EMG1: variants seen among roughly 807,000 people sequenced by gnomAD.
EMG1 encodes the protein EMG1 N1-specific pseudouridine methyltransferase.
EMG1 carries 24 observed loss-of-function variants against 26.9 expected under a neutral mutation model. The ratio of observed to expected loss-of-function variants is 0.89; its 90% CI spans 0.65 to 1.26. The LOEUF is 1.26. Among genes scored for constraint, EMG1 ranks in the 50% most tolerant of loss-of-function variants. EMG1 has a pLI of 0.00. For missense variants in EMG1, 299 were observed against 307.6 expected, an observed-to-expected ratio of 0.97 and a Z score of 0.21; for synonymous variants, 140 against 112.6, an observed-to-expected ratio of 1.24 and a Z score of -1.54.
At chr12:6,975,062 G>C (rs150632222) in intron 3 of EMG1, 28 bp from the exon 4 acceptor site, 4 of 1,611,986 alleles carry the variant, frequency 2.5e-6, no homozygotes, top group South Asian at 1.1e-5. Context: ...TCTCCATCTA[G>C]CTCTGAACTC....
chr12:6,974,459 C>T lies in EMG1; in HGVS notation c.270+19C>T, dbSNP rs782523942. The stretch of plus-strand genomic sequence containing the variant: ...CCACCAGGTAACTCCAGGGACAGTG[C>T]TCACAACCCTTTGAGCCTCTGTATG... On this transcript the variant is annotated intron_variant, in intron 2 of 5. Transcript: ENST00000599672. 91 of 1,609,832 alleles carry T rather than the reference C, an allele frequency of 5.7e-5. No individual in the cohort carries two copies. Among genetic ancestry groups the T allele is most frequent in the Non-Finnish European group, 7.0e-5 (82 of 1,176,484 alleles).
chr12:6,993,496 C>T (rs1555155748), intron 7 of EMG1, among the ~76,000 whole-genome samples: 2 of 152,070 alleles, frequency 1.3e-5, no homozygotes, highest in African/African-American at 2.4e-5. Context: ...AGAATATCTT[C>T]ATCACCTCAA....
chr12:6,995,770 A>AGT (rs1222193255), intron 7 of EMG1, among the ~76,000 whole-genome samples: 1 of 152,058 alleles, frequency 6.6e-6, no homozygotes, highest in East Asian at 1.9e-4. Context: ...CTGACTACTC[A>AGT]ACAGAGTCAG....
chr12:6,988,797 T>G (rs1555155090), downstream of EMG1, among the ~76,000 whole-genome samples: 3 of 152,160 alleles, frequency 2.0e-5, no homozygotes, highest in Non-Finnish European at 4.4e-5. Flanking sequence ...TTACCTTTAT[T>G]AGCACCAGAT....
At chr12:6,972,616 T>C (rs782170871) in intron 1 of EMG1, among the ~76,000 whole-genome samples, 31 of 152,224 alleles carry the variant, frequency 2.0e-4, no homozygotes, top group Non-Finnish European at 4.0e-4. Flanking sequence ...TCCACTTCTT[T>C]AACATCAAAC....
At chr12:6,983,932 G>A (rs1946497619), downstream of EMG1, among the ~76,000 whole-genome samples, 1 of 152,058 alleles carries the variant, frequency 6.6e-6, no homozygotes, top group Non-Finnish European at 1.5e-5. Flanking sequence ...TGCTTGAGCC[G>A]AGGAGTTCGA....
chr12:6,977,835 T>G lies in EMG1; in HGVS notation c.*2026T>G, dbSNP rs375390324. The G allele has an allele frequency of 9.9e-6, 15 of 1,513,644 alleles. No homozygotes were observed. Among genetic ancestry groups the G allele is most frequent in the East Asian group, 9.0e-5 (4 of 44,386 alleles). The allele number at this position is 1,513,644 out of a possible 1,614,324, so 93.8% of individuals were successfully genotyped here. A position where few individuals can be genotyped will look rare whatever the true frequency, so the allele number is the denominator to read the frequency against. ...CTGGGTCCTCACCCTGAGGATTGGA[T>G]TGGAGTGCTGGTGGGTTCCCACGTG... On this transcript the variant is annotated 3_prime_UTR_variant, in exon 6 of 6. Transcript: ENST00000599672. This position sits in a 1 kb window ranked among gnomAD's most constrained non-coding sequence, Gnocchi z 4.5.
In EMG1 at chr12:6,975,325, G is replaced by C. The variant is rs782416705; in HGVS notation, c.568G>C (p.Val190Leu). 13 of 1,608,494 alleles carry C rather than the reference G, an allele frequency of 8.1e-6. No homozygotes were observed. In the African/African-American group the frequency reaches 1.5e-4, roughly 18 times the overall value. ...IPVVSDVREL[V>L]PSSDPIVFVV... ...GGTTGTCAGTGATGTGCGTGAGCTG[G>C]TGCCCAGCAGTGATCCTATTGTTTT... The change falls in exon 5 of 6, where the codon GTG becomes CTG. Residue 190 changes from valine to leucine, a missense_variant. Val to Leu is a conservative substitution (Grantham distance 32). Coordinates refer to ENST00000599672, the MANE Select transcript of EMG1 (RefSeq NM_006331.8).
Position 6,971,274 on chromosome 12 carries a change from C to CTT in EMG1, c.168+199_168+200dup, listed in dbSNP as rs34818013. ...GGGATGGTAGTACTCATTTTTCTTT[C>CTT]TTTTTTTTTTTTTTTTTGAGACGGA... On this transcript the variant is annotated intron_variant, in intron 1 of 5. Coordinates refer to ENST00000599672, the MANE Select transcript of EMG1 (RefSeq NM_006331.8). 7.8e-3 allele frequency among the ~76,000 whole-genome samples: 1,054 copies of CTT among 135,454 alleles called. 20 individuals carry two copies. The highest frequency in any genetic ancestry group is 0.03 in the South Asian group (127 of 4,298). The allele number at this position is 135,454 out of a possible 152,430, so 88.9% of individuals were successfully genotyped here.
At position 6,977,188 on chromosome 12, in the gene EMG1, T is replaced by G; in HGVS notation, c.*1379T>G. 1.2e-6 allele frequency: 2 copies of G among 1,613,764 alleles called. No homozygotes were observed. The highest frequency in any genetic ancestry group is 1.7e-6 in the Non-Finnish European group (2 of 1,179,626). Reference sequence around the variant, plus strand: ...ACTTCTCTTTCCTTGGCACCATTGCTTTGTGAATATAAGGCAATATGAATA... The same window carrying G: ...ACTTCTCTTTCCTTGGCACCATTGCGTTGTGAATATAAGGCAATATGAATA... On this transcript the variant is annotated 3_prime_UTR_variant, in exon 6 of 6. Transcript: ENST00000599672. The surrounding 1 kb of genome is among the most constrained non-coding windows in gnomAD (Gnocchi z 4.5).
At chr12:6,972,735 T>A (rs1206138932) in intron 1 of EMG1, among the ~76,000 whole-genome samples, 1 of 152,232 alleles carries the variant, frequency 6.6e-6, no homozygotes, top group Non-Finnish European at 1.5e-5. Flanking sequence ...GCTTGATACA[T>A]TAGGATTCTG....
chr12:6,990,458 G>A (rs1946577211), downstream of EMG1, among the ~76,000 whole-genome samples: 2 of 140,740 alleles, frequency 1.4e-5, no homozygotes, highest in African/African-American at 5.3e-5. Flanking sequence ...GCAGTGAGCC[G>A]AGATTGTGCC....
At chr12:6,974,798 GAAC>G (rs1331910006) in intron 3 of EMG1, 105 bp downstream of exon 3, 59 of 1,201,512 alleles carry the variant, frequency 4.9e-5, no homozygotes, top group Non-Finnish European at 5.6e-5. Flanking sequence ...GAAAATGGGA[GAAC>G]AACATGATTA....
chr12:6,974,451 G>C lies in EMG1; in HGVS notation c.270+11G>C. The C allele has an allele frequency of 6.2e-7, 1 of 1,612,020 alleles. No homozygotes were observed. Among genetic ancestry groups the C allele is most frequent in the African/African-American group, 1.3e-5 (1 of 75,012 alleles). The stretch of plus-strand genomic sequence containing the variant: ...GATATCACCCACCAGGTAACTCCAG[G>C]GACAGTGCTCACAACCCTTTGAGCC... On this transcript the variant is annotated intron_variant, in intron 2 of 5. Coordinates refer to ENST00000599672, the MANE Select transcript of EMG1 (RefSeq NM_006331.8).
In EMG1 at chr12:6,977,872, G is replaced by C; in HGVS notation, c.*2063G>C. On this transcript the variant is annotated 3_prime_UTR_variant, in exon 6 of 6. Transcript: ENST00000599672. This position sits in a 1 kb window ranked among gnomAD's most constrained non-coding sequence, Gnocchi z 4.5. ...TGGGTTCCCACGTGTAGCCCCCAGA[G>C]GGTACAGGAGGCAGTGCTGACTGAT... is the stretch of plus-strand genomic sequence containing the variant. 1 of 1,077,776 alleles carries C rather than the reference G, an allele frequency of 9.3e-7. No homozygotes were observed. Among genetic ancestry groups the C allele is most frequent in the Non-Finnish European group, 1.4e-6 (1 of 727,704 alleles). The allele number at this position is 1,077,776 out of a possible 1,614,324, so 66.8% of individuals were successfully genotyped here. A position where few individuals can be genotyped will look rare whatever the true frequency, so the allele number is the denominator to read the frequency against.
chr12:6,974,975 C>G, intron 3 of EMG1, 115 bp from the exon 4 acceptor site: 1 of 1,076,160 alleles, frequency 9.3e-7, no homozygotes, highest in Non-Finnish European at 1.4e-6. Context: ...GGAGTCCAGT[C>G]TAGATATAAA....
chr12:6,972,951 C>T (rs1014960507), intron 1 of EMG1, among the ~76,000 whole-genome samples: 8 of 151,934 alleles, frequency 5.3e-5, no homozygotes, highest in Non-Finnish European at 1.0e-4. Flanking sequence ...AGTCCTCCCA[C>T]CTCATCCTCC....
At chr12:6,980,504 T>A (rs1946458841), downstream of EMG1, among the ~76,000 whole-genome samples, 1 of 152,040 alleles carries the variant, frequency 6.6e-6, no homozygotes, top group African/African-American at 2.4e-5. Flanking sequence ...TACAGATGCA[T>A]GCCACTATGT....
At position 6,976,842 on chromosome 12, in the gene EMG1, G is replaced by A. The variant is rs1273099478; in HGVS notation, c.*1033G>A. ...ATTCTCTGCTCTGGGGCAAAGGAGTGCTGTGAAAAGGGAGACGAGTAGTTT... is the reference window on the plus strand; with the variant it reads ...ATTCTCTGCTCTGGGGCAAAGGAGTACTGTGAAAAGGGAGACGAGTAGTTT... On this transcript the variant is annotated 3_prime_UTR_variant, in exon 6 of 6. Coordinates refer to ENST00000599672, the MANE Select transcript of EMG1 (RefSeq NM_006331.8). 1 of 265,458 alleles carries A rather than the reference G, an allele frequency of 3.8e-6. No individual in the cohort carries two copies. The highest frequency in any genetic ancestry group is 2.2e-5 in the African/African-American group (1 of 45,730). The allele number at this position is 265,458 out of a possible 1,614,324, so 16.4% of individuals were successfully genotyped here.
Sources: gnomAD v4.1 joint callset for allele counts (sites outside exome capture counted in the v4.1 genomes callset) on GRCh38, gnomAD v4.1.1 for gene constraint, Gnocchi (gnomAD v3.1) non-coding constraint, MANE v1.5 for transcripts, NCBI Gene and HGNC (gene_info 2026-07-23, HGNC 2026-07-21) for gene names.